GPATCH2: variants seen among roughly 807,000 people sequenced by gnomAD.
GPATCH2 encodes G-patch domain containing 2, also known as G patch domain-containing protein 2.
GPATCH2 carries 51 observed loss-of-function variants against 58.0 expected under a neutral mutation model. The observed-to-expected ratio is 0.88, with a 90% CI of 0.70 to 1.11. The LOEUF (loss-of-function observed/expected upper bound fraction) is 1.11, where lower values mean the gene tolerates loss of function less well. Among genes scored for constraint, GPATCH2 ranks in the 50% most tolerant of loss-of-function variants. GPATCH2 has a pLI of 0.00. For missense variants in GPATCH2, 625 were observed against 652.2 expected, an observed-to-expected ratio of 0.96 and a Z score of 0.45; for synonymous variants, 222 against 218.5, an observed-to-expected ratio of 1.02 and a Z score of -0.14.
chr1:217,629,407 A>T (rs1255275866), intron 1 of GPATCH2, among the ~76,000 whole-genome samples: 2 of 152,120 alleles, frequency 1.3e-5, no homozygotes, highest in South Asian at 4.1e-4. Context: ...CTTTAAAGAG[A>T]ATTGAAGGAG....
chr1:217,561,045 A>C (rs1665902798), intron 5 of GPATCH2, among the ~76,000 whole-genome samples: 2 of 152,218 alleles, frequency 1.3e-5, no homozygotes, highest in Non-Finnish European at 2.9e-5. Context: ...CAGTTTTGAT[A>C]ATGTGAGTAA....
At chr1:217,546,540 A>T (rs1439336423) in intron 5 of GPATCH2, among the ~76,000 whole-genome samples, 1 of 152,252 alleles carries the variant, frequency 6.6e-6, no homozygotes, top group East Asian at 1.9e-4. Context: ...TGGTGCTGGG[A>T]TAACTGGCTA....
intron 5 of GPATCH2, among the ~76,000 whole-genome samples, chr1:217,594,090 C>G (rs952643208): frequency 6.6e-6 from 1 of 152,032 alleles, no homozygotes; most frequent in Non-Finnish European, 1.5e-5. Context: ...TCTAGATGCT[C>G]TAGGTACGTG....
At chr1:217,461,689 C>A (rs905762915) in intron 8 of GPATCH2, among the ~76,000 whole-genome samples, 3 of 152,050 alleles carry the variant, frequency 2.0e-5, no homozygotes, top group Admixed American at 6.5e-5. Flanking sequence ...TGTTCCATTT[C>A]TTGGGCTTTA....
Position 217,620,118 on chromosome 1 carries a change from A to C in GPATCH2, c.438T>G (p.Ser146=). The C allele has an allele frequency of 6.2e-7, 1 of 1,614,150 alleles. No individual in the cohort carries two copies. The highest frequency in any genetic ancestry group is 1.3e-5 in the African/African-American group (1 of 75,048). The change falls in exon 2 of 10, where the codon TCT becomes TCG. Residue 146 remains serine, a synonymous_variant. Coordinates refer to ENST00000366935, the MANE Select transcript of GPATCH2 (RefSeq NM_018040.5). ...TCCCAACATTGTCCACAGCAAAATC[A>C]GACTCATGCCATAGAGGTCTTTTCC... The part of the protein sequence containing the change: ...VRGKRPLWHE[S]DFAVDNVGNR...
At chr1:217,492,804 G>T (rs1299936873) in intron 7 of GPATCH2, 1 of 152,162 alleles carries the variant, frequency 6.6e-6, no homozygotes, top group Non-Finnish European at 1.5e-5. Context: ...AGGAAATGCT[G>T]AGAAATAATA....
chr1:217,526,453 C>G (rs1337852337), intron 5 of GPATCH2, among the ~76,000 whole-genome samples: 2 of 152,038 alleles, frequency 1.3e-5, no homozygotes, highest in East Asian at 1.9e-4. Context: ...AAAAGTACAA[C>G]ATATTGCAAA....
At chr1:217,603,255 A>C (rs1047529796) in intron 5 of GPATCH2, among the ~76,000 whole-genome samples, 9 of 152,072 alleles carry the variant, frequency 5.9e-5, no homozygotes, top group African/African-American at 1.9e-4. Context: ...AGCAAGAACC[A>C]ATATTTTAAA....
At chr1:217,581,784 C>G (rs1032832614) in intron 5 of GPATCH2, among the ~76,000 whole-genome samples, 9 of 152,220 alleles carry the variant, frequency 5.9e-5, no homozygotes, top group Non-Finnish European at 1.0e-4. Flanking sequence ...AACCCCATCT[C>G]TACTAAAAAT....
In GPATCH2 at chr1:217,429,948, T is replaced by A. The variant is rs186761504; in HGVS notation, c.*1197A>T. 1 of 149,494 alleles carries A rather than the reference T, an allele frequency of 6.7e-6. No homozygotes were observed. Among genetic ancestry groups the A allele is most frequent in the Non-Finnish European group, 1.5e-5 (1 of 67,558 alleles). The allele number at this position is 149,494 out of a possible 1,614,324, so 9.3% of individuals were successfully genotyped here. A position where few individuals can be genotyped will look rare whatever the true frequency, so the allele number is the denominator to read the frequency against. On this transcript the variant is annotated 3_prime_UTR_variant, in exon 10 of 10. Transcript: ENST00000366935. ...GTCTTTACTCAACCAGCAAAGGCCA[T>A]TATAAATAGAATGATAATAATCATC...
At chr1:217,584,151 C>T (rs903824047) in intron 5 of GPATCH2, among the ~76,000 whole-genome samples, 3 of 151,290 alleles carry the variant, frequency 2.0e-5, no homozygotes, top group African/African-American at 7.3e-5. Flanking sequence ...GTTGACAAAA[C>T]TAAAAGACTG....
intron 5 of GPATCH2, among the ~76,000 whole-genome samples, chr1:217,562,083 C>T (rs1665956747): frequency 6.6e-6 from 1 of 152,142 alleles, no homozygotes; most frequent in African/African-American, 2.4e-5. Flanking sequence ...ACACTAGTGC[C>T]CCAGCAGTCA....
chr1:217,608,782 A>G (rs1395890342), intron 5 of GPATCH2: 2 of 983,488 alleles, frequency 2.0e-6, no homozygotes, highest in Admixed American at 1.2e-4. Context: ...CTCCAAAGAC[A>G]TAGCACAGAA....
chr1:217,618,221 CT>C (rs34863823), intron 2 of GPATCH2, among the ~76,000 whole-genome samples: 37,608 of 124,662 alleles, frequency 0.3, 4,674 homozygotes, highest in Non-Finnish European at 0.36. Context: ...CCTCTGGAAA[CT>C]TTTTTTTTTT....
In GPATCH2 at chr1:217,523,380, C is replaced by G. The variant is rs534213617; in HGVS notation, c.1099-8491G>C. Among the ~76,000 whole-genome samples the G allele has an allele frequency of 3.5e-4, 53 of 151,650 alleles. 2 individuals carry two copies. Among genetic ancestry groups the G allele is most frequent in the Middle Eastern group, 6.8e-3 (2 of 294 alleles). ...ATTAGGGAGTGGTGATGACTCTTAA[C>G]GAGCATGCTGCCTTCAAGCGTCTGT... On this transcript the variant is annotated intron_variant, in intron 5 of 9. Coordinates refer to ENST00000366935, the MANE Select transcript of GPATCH2 (RefSeq NM_018040.5).
At chr1:217,582,702 C>A (rs995857725) in intron 5 of GPATCH2, among the ~76,000 whole-genome samples, 1 of 152,034 alleles carries the variant, frequency 6.6e-6, no homozygotes, top group Admixed American at 6.6e-5. Context: ...TATGAAAAGA[C>A]CAGAAGAAGG....
chr1:217,454,459 G>A (rs1424194847), intron 8 of GPATCH2, among the ~76,000 whole-genome samples: 4 of 151,510 alleles, frequency 2.6e-5, no homozygotes, highest in African/African-American at 9.7e-5. Context: ...CGTGGTGGTG[G>A]GCGCCTGTAG....
chr1:217,537,010 C>T (rs1664507306), intron 5 of GPATCH2, among the ~76,000 whole-genome samples: 1 of 151,984 alleles, frequency 6.6e-6, no homozygotes, highest in African/African-American at 2.4e-5. Context: ...AACAAACAGA[C>T]ATATGAGCTT....
chr1:217,608,640 T>C (rs1295521566), intron 5 of GPATCH2: 1 of 984,626 alleles, frequency 1.0e-6, no homozygotes, highest in Non-Finnish European at 1.2e-6. Context: ...AGCATTCATC[T>C]AGATTCATGA....
Sources: gnomAD v4.1 joint callset for allele counts (sites outside exome capture counted in the v4.1 genomes callset) on GRCh38, gnomAD v4.1.1 for gene constraint, MANE v1.5 for transcripts, NCBI Gene and HGNC (gene_info 2026-07-23, HGNC 2026-07-21) for gene names.